PMEPA1: variants seen among roughly 807,000 people sequenced by gnomAD.
PMEPA1 encodes protein TMEPAI.
A neutral mutation model predicts 23.0 loss-of-function variants in PMEPA1; 11 were observed. The observed-to-expected ratio is 0.48, with a 90% CI of 0.30 to 0.79. The LOEUF (loss-of-function observed/expected upper bound fraction) is 0.79. Among genes scored for constraint, PMEPA1 ranks in the 30% least tolerant of loss-of-function variants. PMEPA1 has a pLI of 0.06. For synonymous variants in PMEPA1, 204 were observed against 166.4 expected, an observed-to-expected ratio of 1.23 and a Z score of -1.74; for missense variants, 377 against 390.9, an observed-to-expected ratio of 0.96 and a Z score of 0.30.
At chr20:57,694,744 T>C (rs1260812123) in intron 1 of PMEPA1, among the ~76,000 whole-genome samples, 1 of 152,220 alleles carries the variant, frequency 6.6e-6, no homozygotes, top group Admixed American at 6.5e-5. Flanking sequence ...CAGGGCTGCA[T>C]GTGGTGCTGT....
chr20:57,658,727 C>A (rs2071362400), intron 2 of PMEPA1, among the ~76,000 whole-genome samples: 1 of 152,110 alleles, frequency 6.6e-6, no homozygotes, highest in Admixed American at 6.5e-5. Flanking sequence ...AAACTTAGGC[C>A]CCGGGACCTG....
At chr20:57,667,798 C>T (rs1185606022) in intron 1 of PMEPA1, among the ~76,000 whole-genome samples, 2 of 152,302 alleles carry the variant, frequency 1.3e-5, no homozygotes, top group East Asian at 3.9e-4. Context: ...ACTTCATTTA[C>T]TGCCCTCTCC....
intron 2 of PMEPA1, among the ~76,000 whole-genome samples, chr20:57,657,569 C>G (rs1051647014): frequency 6.6e-6 from 1 of 152,246 alleles, no homozygotes; most frequent in African/African-American, 2.4e-5. Flanking sequence ...GTCTGCAGCA[C>G]GCCCTCCGGA....
intron 1 of PMEPA1, among the ~76,000 whole-genome samples, chr20:57,700,902 T>C (rs1483779806): frequency 2.0e-5 from 3 of 152,074 alleles, no homozygotes; most frequent in South Asian, 2.1e-4. Flanking sequence ...TGATGACTCA[T>C]GCCTGTAGTC....
chr20:57,701,066 A>G (rs1262523715), intron 1 of PMEPA1, among the ~76,000 whole-genome samples: 1 of 147,284 alleles, frequency 6.8e-6, no homozygotes, highest in Non-Finnish European at 1.5e-5. Context: ...GAAGACATCA[A>G]AAAAAAAAAG....
intron 1 of PMEPA1, chr20:57,690,430 G>A (rs575346689): frequency 8.4e-6 from 11 of 1,303,944 alleles, no homozygotes; most frequent in East Asian, 5.5e-5. Flanking sequence ...TTGACTTTTC[G>A]CCTGTCATTT....
chr20:57,690,268 T>A (rs2071859947), intron 1 of PMEPA1: 1 of 483,538 alleles, frequency 2.1e-6, no homozygotes, highest in Middle Eastern at 3.4e-4. Flanking sequence ...GGGCAGCGGC[T>A]TGGGGCACAG....
At chr20:57,694,705 G>A (rs1386635375) in intron 1 of PMEPA1, among the ~76,000 whole-genome samples, 3 of 152,186 alleles carry the variant, frequency 2.0e-5, no homozygotes, top group Non-Finnish European at 4.4e-5. Flanking sequence ...TGCATGTAGC[G>A]CCATGTAAGA....
At position 57,694,271 on chromosome 20, in the gene PMEPA1, G is replaced by A. The variant is rs113492103; in HGVS notation, c.109+15203C>T. On this transcript the variant is annotated intron_variant, in intron 1 of 3. Coordinates refer to ENST00000341744, the MANE Select transcript of PMEPA1 (RefSeq NM_020182.5). ...CCCAAATGACACTCTCAGCCTTCCC[G>A]ATTTTTGCCATACTCAAGTACCCCA... is the stretch of plus-strand genomic sequence containing the variant. Among the ~76,000 whole-genome samples the A allele has an allele frequency of 3.2e-3, 493 of 152,248 alleles. 2 individuals carry two copies. The highest frequency in any genetic ancestry group is 0.011 in the African/African-American group (458 of 41,548).
rs1187712556 is a variant in PMEPA1 at position 57,656,537 on chromosome 20, G to A, written c.264+3006C>T. Among the ~76,000 whole-genome samples, 1 of 152,176 alleles carries A rather than the reference G, an allele frequency of 6.6e-6. No homozygotes were observed. ...GCCACTCCGTGGCTGGGCGGTCACT[G>A]CAGTGACGTTCTGCATCATGTCCCG... On this transcript the variant is annotated intron_variant, in intron 2 of 3. Coordinates refer to ENST00000341744, the MANE Select transcript of PMEPA1 (RefSeq NM_020182.5). The surrounding 1 kb of genome is among the most constrained non-coding windows in gnomAD (Gnocchi z 4.7).
chr20:57,670,618 C>T (rs941907256), intron 1 of PMEPA1, among the ~76,000 whole-genome samples: 3 of 152,198 alleles, frequency 2.0e-5, no homozygotes, highest in African/African-American at 4.8e-5. Flanking sequence ...TCCCACTTGG[C>T]CCCCTGCCCT....
At chr20:57,693,840 T>G (rs1437276146) in intron 1 of PMEPA1, among the ~76,000 whole-genome samples, 1 of 152,178 alleles carries the variant, frequency 6.6e-6, no homozygotes, top group Non-Finnish European at 1.5e-5. Context: ...CTGCAAGCCT[T>G]GTGAGGAGGT....
chr20:57,674,528 G>A (rs1288698803), intron 1 of PMEPA1, among the ~76,000 whole-genome samples: 1 of 152,262 alleles, frequency 6.6e-6, no homozygotes, highest in East Asian at 1.9e-4. Context: ...AGGGAAATGA[G>A]CTGCAAGGTG....
intron 2 of PMEPA1, among the ~76,000 whole-genome samples, chr20:57,654,763 C>T (rs149325090): frequency 3.1e-3 from 474 of 152,314 alleles, no homozygotes; most frequent in African/African-American, 0.011. Context: ...CATCTGCAGC[C>T]TGCAAAAATG....
chr20:57,677,456 G>A (rs745510490), intron 1 of PMEPA1, among the ~76,000 whole-genome samples: 6 of 152,272 alleles, frequency 3.9e-5, no homozygotes, highest in East Asian at 1.9e-4. Flanking sequence ...TTACCCTGGC[G>A]CTGTATCCGT....
Position 57,655,219 on chromosome 20 carries a change from CCT to C in PMEPA1, c.265-2135_265-2134del, listed in dbSNP as rs370844547. On this transcript the variant is annotated intron_variant, in intron 2 of 3. Transcript: ENST00000341744. This position sits in a 1 kb window ranked among gnomAD's most constrained non-coding sequence, Gnocchi z 4.2. ...CCATCCTGGGTCTGGACCAATGGCCCCTCTTTCCTCCCTTTCCTGAAGAACTT... is the reference window on the plus strand; with the variant it reads ...CCATCCTGGGTCTGGACCAATGGCCCCTTTCCTCCCTTTCCTGAAGAACTT... Among the ~76,000 whole-genome samples, 1 of 152,228 alleles carries C rather than the reference CCT, an allele frequency of 6.6e-6. No homozygotes were observed. The highest frequency in any genetic ancestry group is 2.4e-5 in the African/African-American group (1 of 41,532).
intron 1 of PMEPA1, among the ~76,000 whole-genome samples, chr20:57,702,699 T>A (rs2072028894): frequency 6.6e-6 from 1 of 152,212 alleles, no homozygotes; most frequent in South Asian, 2.1e-4. Context: ...CCTGGCTGTG[T>A]GACCTCGAGC....
intron 1 of PMEPA1, among the ~76,000 whole-genome samples, chr20:57,660,055 C>T (rs535882860): frequency 1.3e-5 from 2 of 152,316 alleles, no homozygotes; most frequent in Admixed American, 1.3e-4. Flanking sequence ...TGCAGATGCA[C>T]AGCGTGAGCT....
intron 1 of PMEPA1, among the ~76,000 whole-genome samples, chr20:57,701,753 C>G (rs1568686790): frequency 6.6e-6 from 1 of 152,148 alleles, no homozygotes; most frequent in Non-Finnish European, 1.5e-5. Context: ...CACGCTCACC[C>G]CCAGAATGAA....
Sources: gnomAD v4.1 joint callset for allele counts (sites outside exome capture counted in the v4.1 genomes callset) on GRCh38, gnomAD v4.1.1 for gene constraint, Gnocchi (gnomAD v3.1) non-coding constraint, MANE v1.5 for transcripts, NCBI Gene and HGNC (gene_info 2026-07-23, HGNC 2026-07-21) for gene names.